GALM: variants seen among roughly 807,000 people sequenced by gnomAD.
GALM encodes the protein aldose 1-epimerase.
Under a neutral mutation model 37.4 loss-of-function variants are expected in GALM, and 43 were observed. The ratio of observed to expected loss-of-function variants is 1.15; its 90% CI spans 0.90 to 1.48. GALM has a LOEUF of 1.48. Among genes scored for constraint, GALM ranks in the 40% most tolerant of loss-of-function variants. The pLI, the probability that GALM is intolerant of heterozygous loss-of-function variation, is 0.00. For synonymous variants in GALM, 199 were observed against 170.6 expected, an observed-to-expected ratio of 1.17 and a Z score of -1.30; for missense variants, 456 against 419.1, an observed-to-expected ratio of 1.09 and a Z score of -0.77.
chr2:38,709,600 C>T (rs968082500), intron 4 of GALM, among the ~76,000 whole-genome samples: 1 of 151,150 alleles, frequency 6.6e-6, no homozygotes, highest in African/African-American at 2.4e-5. Context: ...AGAATAAAGC[C>T]GCAAACCCAA....
chr2:38,696,590 C>T (rs1323476752), intron 4 of GALM, among the ~76,000 whole-genome samples: 2 of 151,706 alleles, frequency 1.3e-5, no homozygotes, highest in African/African-American at 2.4e-5. Context: ...CATCACCATA[C>T]CCAGGTAATT....
At chr2:38,680,802 G>A (rs1038812984) in intron 2 of GALM, among the ~76,000 whole-genome samples, 1 of 152,074 alleles carries the variant, frequency 6.6e-6, no homozygotes, top group Non-Finnish European at 1.5e-5. Flanking sequence ...AAGAGAATGG[G>A]GAGTGTGAGA....
chr2:38,674,596 A>T (rs1318243127), intron 1 of GALM, among the ~76,000 whole-genome samples: 1 of 152,170 alleles, frequency 6.6e-6, no homozygotes, highest in Non-Finnish European at 1.5e-5. Flanking sequence ...CAAGCATTCT[A>T]TATTTCCTCT....
intron 5 of GALM, among the ~76,000 whole-genome samples, chr2:38,730,472 G>C (rs1558599240): frequency 6.6e-6 from 1 of 152,016 alleles, no homozygotes; most frequent in Non-Finnish European, 1.5e-5. Flanking sequence ...TCACAATGTT[G>C]GTCAGGCTGG....
Position 38,688,031 on chromosome 2 carries a change from G to A in GALM, c.553-1782G>A, listed in dbSNP as rs1271793262. ...GTTTAAGACTAGCCTGACCAACATGGTGAAACCCCATCTCTACTAAAAATA... is the reference window on the plus strand; with the variant it reads ...GTTTAAGACTAGCCTGACCAACATGATGAAACCCCATCTCTACTAAAAATA... On this transcript the variant is annotated intron_variant, in intron 3 of 6. Coordinates refer to ENST00000272252, the MANE Select transcript of GALM (RefSeq NM_138801.3). Among the ~76,000 whole-genome samples, 7 of 152,006 alleles carry A rather than the reference G, an allele frequency of 4.6e-5. 1 individual carries two copies. Among genetic ancestry groups the A allele is most frequent in the Admixed American group, 4.6e-4 (7 of 15,240 alleles).
chr2:38,707,496 TC>T lies in GALM; in HGVS notation c.634+17604del, dbSNP rs1487845172. The stretch of plus-strand genomic sequence containing the variant: ...TTGGAGTGACCAACAGTGTCAATAC[TC>T]CAGGGAGTCAAGTGGCAGGAGACCT... On this transcript the variant is annotated intron_variant, in intron 4 of 6. Coordinates refer to ENST00000272252, the MANE Select transcript of GALM (RefSeq NM_138801.3). 2.6e-5 allele frequency among the ~76,000 whole-genome samples: 4 copies of T among 152,154 alleles called. No homozygotes were observed. In the East Asian group the frequency reaches 7.7e-4, roughly 29 times the overall value.
intron 4 of GALM, among the ~76,000 whole-genome samples, chr2:38,727,218 GAA>G (rs397868719): frequency 1.1e-3 from 120 of 113,744 alleles, no homozygotes; most frequent in Middle Eastern, 5.7e-3. Flanking sequence ...TCCGTCTCAA[GAA>G]AAAAAAAAAA....
At chr2:38,731,930 T>A in intron 6 of GALM, 21 bp downstream of exon 6, 3 of 1,608,440 alleles carry the variant, frequency 1.9e-6, no homozygotes, top group Non-Finnish European at 2.6e-6. Flanking sequence ...AGGCTGGCTT[T>A]TCAGAGTAGA....
Position 38,734,619 on chromosome 2 carries a change from T to C in GALM, c.*1054T>C, listed in dbSNP as rs921532378. 1 of 150,638 alleles carries C rather than the reference T, an allele frequency of 6.6e-6. No individual in the cohort carries two copies. The highest frequency in any genetic ancestry group is 6.7e-5 in the Admixed American group (1 of 15,032). 9.3% of individuals were successfully genotyped at this position (150,638 alleles called of 1,614,324 possible). A position where few individuals can be genotyped will look rare whatever the true frequency, so the allele number is the denominator to read the frequency against. On this transcript the variant is annotated 3_prime_UTR_variant, in exon 7 of 7. Transcript: ENST00000272252. ...CATTGCACCAGGGACAGAGATTGTATGTGACAAGGCTGGGGCTCCTTCTTT... is the reference window on the plus strand; with the variant it reads ...CATTGCACCAGGGACAGAGATTGTACGTGACAAGGCTGGGGCTCCTTCTTT...
intron 1 of GALM, among the ~76,000 whole-genome samples, chr2:38,672,160 T>C (rs1223125137): frequency 6.6e-6 from 1 of 152,196 alleles, no homozygotes; most frequent in African/African-American, 2.4e-5. Context: ...CAAGCCCATG[T>C]GGTAGGAGCC....
At chr2:38,710,696 T>A (rs551044620) in intron 4 of GALM, among the ~76,000 whole-genome samples, 14 of 151,882 alleles carry the variant, frequency 9.2e-5, no homozygotes, top group South Asian at 2.1e-4. Context: ...TGAGCCACCA[T>A]GCCTGGTCTT....
intron 4 of GALM, among the ~76,000 whole-genome samples, chr2:38,694,898 A>AG (rs1370500395): frequency 1.4e-5 from 2 of 147,834 alleles, no homozygotes. Context: ...CTCCGTCTCA[A>AG]AAAAAAAAAA....
intron 4 of GALM, among the ~76,000 whole-genome samples, chr2:38,702,380 A>G (rs1031379446): frequency 1.3e-5 from 2 of 152,128 alleles, no homozygotes; most frequent in African/African-American, 4.8e-5. Flanking sequence ...TGAACATTTC[A>G]CTGGTCAAAA....
In GALM at chr2:38,694,055, G is replaced by A. The variant is rs1289571448; in HGVS notation, c.634+4161G>A. ...GAATTAGCCAGGAGTGTTGGTGCATGCCTGTGGTCCCAGCTATTTGGGAGG... is the reference window on the plus strand; with the variant it reads ...GAATTAGCCAGGAGTGTTGGTGCATACCTGTGGTCCCAGCTATTTGGGAGG... On this transcript the variant is annotated intron_variant, in intron 4 of 6. Transcript: ENST00000272252. Among the ~76,000 whole-genome samples the A allele has an allele frequency of 2.0e-5, 3 of 152,094 alleles. No individual in the cohort carries two copies. The East Asian group carries it at 5.8e-4, about 29-fold the overall frequency.
chr2:38,676,678 G>A (rs895451455), intron 2 of GALM, among the ~76,000 whole-genome samples: 2 of 152,180 alleles, frequency 1.3e-5, no homozygotes, highest in Admixed American at 6.5e-5. Flanking sequence ...CAAGAGAATC[G>A]CTTGAATGTG....
intron 1 of GALM, among the ~76,000 whole-genome samples, chr2:38,674,625 C>A (rs1166288804): frequency 6.6e-6 from 1 of 152,046 alleles, no homozygotes; most frequent in Admixed American, 6.6e-5. Context: ...TACTCTATAT[C>A]CTTGTGTATT....
At chr2:38,677,102 T>A (rs1665277761) in intron 2 of GALM, among the ~76,000 whole-genome samples, 1 of 152,232 alleles carries the variant, frequency 6.6e-6, no homozygotes, top group Non-Finnish European at 1.5e-5. Context: ...GAACAGCTTC[T>A]CCCTGGGGTG....
intron 4 of GALM, among the ~76,000 whole-genome samples, chr2:38,728,400 A>T (rs1456016147): frequency 6.8e-6 from 1 of 147,188 alleles, no homozygotes; most frequent in Non-Finnish European, 1.5e-5. Context: ...CTCAAAAAAA[A>T]AAAACTTTTT....
intron 4 of GALM, among the ~76,000 whole-genome samples, chr2:38,691,721 G>C (rs1459442443): frequency 7.2e-6 from 1 of 138,544 alleles, no homozygotes; most frequent in East Asian, 2.2e-4. Context: ...TTATATTTCA[G>C]TAGTTTTTTT....
Sources: allele counts gnomAD v4.1 joint callset (sites outside exome capture counted in the v4.1 genomes callset), GRCh38; gene constraint gnomAD v4.1.1; transcripts MANE v1.5; gene names NCBI Gene and HGNC (gene_info 2026-07-23, HGNC 2026-07-21).